The following ADAMTSL1 variants were observed in gnomAD, a reference collection of about 807,000 sequenced individuals.
ADAMTSL1 encodes ADAMTS-like protein 1.
ADAMTSL1 carries 126 observed loss-of-function variants against 201.8 expected under a neutral mutation model. That is an observed-to-expected ratio of 0.62 (90% confidence interval 0.54 to 0.72). The LOEUF is 0.72. Among genes scored for constraint, ADAMTSL1 ranks in the 30% least tolerant of loss-of-function variants. The pLI is 0.00. For synonymous variants in ADAMTSL1, 1,121 were observed against 903.4 expected, an observed-to-expected ratio of 1.24 and a Z score of -4.32; for missense variants, 2,679 against 2,277.8, an observed-to-expected ratio of 1.18 and a Z score of -3.59.
At chr9:17,915,334 C>T (rs1826052003) in intron 1 of ADAMTSL1, among the ~76,000 whole-genome samples, 1 of 152,110 alleles carries the variant, frequency 6.6e-6, no homozygotes, top group Non-Finnish European at 1.5e-5. Context: ...AGGCTTTTGG[C>T]TTTTTCCCCT....
chr9:17,988,705 G>C (rs1819023764), intron 1 of ADAMTSL1, among the ~76,000 whole-genome samples: 2 of 151,880 alleles, frequency 1.3e-5, no homozygotes, highest in Admixed American at 6.6e-5. Context: ...GCTGATGTCA[G>C]CATGAATGTG....
intron 3 of ADAMTSL1, among the ~76,000 whole-genome samples, chr9:18,545,720 A>G (rs1428800549): frequency 6.6e-6 from 1 of 152,178 alleles, no homozygotes; most frequent in Non-Finnish European, 1.5e-5. Flanking sequence ...ATTTCATAAA[A>G]AGGATGCTGG....
intron 2 of ADAMTSL1, among the ~76,000 whole-genome samples, chr9:18,254,393 C>T (rs1188014688): frequency 9.9e-6 from 1 of 100,770 alleles, no homozygotes; most frequent in Non-Finnish European, 1.8e-5. Flanking sequence ...GATGGAATCT[C>T]GCTCTGTCCC....
chr9:18,161,861 T>C (rs1827403680), intron 1 of ADAMTSL1, among the ~76,000 whole-genome samples: 1 of 152,018 alleles, frequency 6.6e-6, no homozygotes, highest in Non-Finnish European at 1.5e-5. Flanking sequence ...TTTCCATGAA[T>C]CAGTTTTTGC....
chr9:18,519,841 C>T (rs142283395), intron 2 of ADAMTSL1, among the ~76,000 whole-genome samples: 8 of 152,284 alleles, frequency 5.3e-5, no homozygotes, highest in Non-Finnish European at 1.0e-4. Context: ...TTTCTGGCTT[C>T]GTTAGAAGCT....
At chr9:18,161,180 A>T (rs374982233) in intron 1 of ADAMTSL1, among the ~76,000 whole-genome samples, 21 of 152,124 alleles carry the variant, frequency 1.4e-4, no homozygotes, top group East Asian at 7.8e-4. Context: ...GTATAAATAG[A>T]CAAAATGTTG....
chr9:18,083,094 G>GTTCC (rs1233669867), intron 1 of ADAMTSL1, among the ~76,000 whole-genome samples: 1 of 152,166 alleles, frequency 6.6e-6, no homozygotes, highest in Non-Finnish European at 1.5e-5. Flanking sequence ...CATGTGGAAC[G>GTTCC]TAAGACTTGA....
intron 3 of ADAMTSL1, among the ~76,000 whole-genome samples, chr9:18,556,832 T>C (rs906339134): frequency 1.3e-5 from 2 of 152,038 alleles, no homozygotes; most frequent in Admixed American, 1.3e-4. Context: ...TTAAAGAAAT[T>C]ATATTTAAAG....
At chr9:18,817,351 A>C in intron 21 of ADAMTSL1, 114 bp downstream of exon 21, 1 of 1,079,852 alleles carries the variant, frequency 9.3e-7, no homozygotes, top group African/African-American at 1.6e-5. Flanking sequence ...CTAGTAGGAA[A>C]GCCAAAGCAT....
At chr9:18,892,738 T>C in intron 26 of ADAMTSL1, 142 bp downstream of exon 26, 1 of 950,544 alleles carries the variant, frequency 1.1e-6, no homozygotes, top group Non-Finnish European at 1.5e-6. Flanking sequence ...TTGTGGGTTG[T>C]CCAGCTGAGA....
rs1434609295 is a variant in ADAMTSL1, at chr9:18,777,613, C to T, written c.3384C>T (p.Ser1128=). 1.2e-6 allele frequency: 2 copies of T among 1,613,606 alleles called. No individual in the cohort carries two copies. The highest frequency in any genetic ancestry group is 4.5e-5 in the East Asian group (2 of 44,858). ...TLLKPSERRT[S]PVTLSPHKHV... is the part of the protein sequence containing the mutation. ...TGAAGCCCTCGGAGCGCAGGACTTC[C>T]CCAGTGACTCTCTCGCCTCATAAAC... The change falls in exon 19 of 29, where the codon TCC becomes TCT. Residue 1128 remains serine (S), a synonymous_variant. Coordinates refer to ENST00000380548, the MANE Select transcript of ADAMTSL1 (RefSeq NM_001040272.6).
rs1379564490 is a variant in ADAMTSL1 at position 18,144,335 on chromosome 9, A to T, written c.88-19527A>T. The stretch of plus-strand genomic sequence containing the variant: ...ATTACTCTGCCTCAGCTTCCTGGGT[A>T]GCTGGGATTACAGATGCCCACCATC... On this transcript the variant is annotated intron_variant, in intron 1 of 29. Coordinates refer to the ADAMTSL1 transcript ENST00000680146. Among the ~76,000 whole-genome samples the T allele has an allele frequency of 3.9e-5, 6 of 151,982 alleles. No individual in the cohort carries two copies. The South Asian group carries it at 1.2e-3, about 32-fold the overall frequency.
At chr9:18,861,530 A>G (rs531567609) in intron 23 of ADAMTSL1, among the ~76,000 whole-genome samples, 4 of 152,342 alleles carry the variant, frequency 2.6e-5, no homozygotes, top group African/African-American at 9.6e-5. Flanking sequence ...ACTGAGAACC[A>G]CACCCAAAGA....
intron 7 of ADAMTSL1, among the ~76,000 whole-genome samples, chr9:18,652,352 C>G (rs1469699653): frequency 5.0e-5 from 2 of 39,670 alleles, no homozygotes; most frequent in Admixed American, 7.1e-4. Context: ...GTGACAAGAA[C>G]AAAACTCCAT....
chr9:18,886,140 G>A (rs1454487413), intron 23 of ADAMTSL1, among the ~76,000 whole-genome samples: 3 of 127,806 alleles, frequency 2.3e-5, no homozygotes, highest in East Asian at 4.5e-4. Context: ...ATATGTATGT[G>A]TATATATACA....
intron 4 of ADAMTSL1, among the ~76,000 whole-genome samples, chr9:18,608,745 A>G (rs948305394): frequency 6.6e-6 from 1 of 152,162 alleles, no homozygotes; most frequent in Admixed American, 6.5e-5. Context: ...TTTGGGGATC[A>G]TTAAAAATCA....
chr9:18,713,268 A>G (rs1268789383), intron 14 of ADAMTSL1, among the ~76,000 whole-genome samples: 4 of 152,158 alleles, frequency 2.6e-5, no homozygotes, highest in Non-Finnish European at 5.9e-5. Context: ...TTAAATGTCA[A>G]TGGACTAAAT....
At chr9:18,342,254 T>C (rs1174912283) in intron 2 of ADAMTSL1, among the ~76,000 whole-genome samples, 1 of 152,210 alleles carries the variant, frequency 6.6e-6, no homozygotes, top group Non-Finnish European at 1.5e-5. Flanking sequence ...AGGCTTTTTC[T>C]TTTCCTGGAT....
At chr9:18,220,078 C>T (rs1309505382) in intron 2 of ADAMTSL1, among the ~76,000 whole-genome samples, 1 of 151,956 alleles carries the variant, frequency 6.6e-6, no homozygotes, top group East Asian at 1.9e-4. Context: ...TAGTCTTTTA[C>T]CATTAAATAG....
Sources: allele counts gnomAD v4.1 joint callset (sites outside exome capture counted in the v4.1 genomes callset), GRCh38; gene constraint gnomAD v4.1.1; transcripts MANE v1.5; gene names NCBI Gene and HGNC (gene_info 2026-07-23, HGNC 2026-07-21).